The following FMN1 variants were observed in gnomAD, a reference collection of about 807,000 sequenced individuals.
The protein encoded by FMN1 is formin-1.
In FMN1, 110 loss-of-function variants were observed where a neutral mutation model predicts 132.4. That is an observed-to-expected ratio of 0.83 (90% CI 0.71 to 0.97). The LOEUF (loss-of-function observed/expected upper bound fraction) is 0.97. FMN1 is among the 50% of genes least tolerant of loss of function. The pLI, the probability that FMN1 is intolerant of heterozygous loss-of-function variation, is 0.00. For missense variants in FMN1, 1,792 were observed against 1,705.3 expected (o/e 1.05, Z -0.90); for synonymous variants, 722 against 651.7 (o/e 1.11, Z -1.64).
chr15:33,135,875 G>A (rs1005211117), intron 4 of FMN1, among the ~76,000 whole-genome samples: 1 of 152,134 alleles, frequency 6.6e-6, no homozygotes, highest in Non-Finnish European at 1.5e-5. Context: ...TATACAATTG[G>A]CTGATTATGT....
Position 32,953,067 on chromosome 15 carries a change from A to G in FMN1, c.3138+11040T>C, listed in dbSNP as rs557097676. On this transcript the variant is annotated intron_variant, in intron 9 of 20. Transcript: ENST00000616417. ...AAGGGGCTTGGCGGCTAAGAAATCC[A>G]GCTGGAAGCGAGCGAGCATGATTTG... 2.6e-5 allele frequency among the ~76,000 whole-genome samples: 4 copies of G among 152,294 alleles called. No homozygotes were observed. In the East Asian group the frequency reaches 7.7e-4, roughly 29 times the overall value.
At chr15:33,125,205 A>AACTT (rs1962938165) in intron 4 of FMN1, among the ~76,000 whole-genome samples, 1 of 151,642 alleles carries the variant, frequency 6.6e-6, no homozygotes, top group Non-Finnish European at 1.5e-5. Flanking sequence ...TCAGCTTAAG[A>AACTT]AGGTCACCTA....
intron 4 of FMN1, among the ~76,000 whole-genome samples, chr15:33,119,995 T>A (rs1962402836): frequency 6.6e-6 from 1 of 152,182 alleles, no homozygotes; most frequent in South Asian, 2.1e-4. Flanking sequence ...CATTCAGGAA[T>A]GCGATGGTAA....
intron 6 of FMN1, among the ~76,000 whole-genome samples, chr15:33,060,948 T>G (rs977697612): frequency 6.6e-6 from 1 of 152,192 alleles, no homozygotes; most frequent in African/African-American, 2.4e-5. Flanking sequence ...AATGTCTTAA[T>G]AATGAGAAAT....
At position 33,041,567 on chromosome 15, in the gene FMN1, T is replaced by C. The variant is rs370756457; in HGVS notation, c.2161+23390A>G. 3.9e-4 allele frequency among the ~76,000 whole-genome samples: 59 copies of C among 151,518 alleles called. 2 individuals are homozygous for C. In the South Asian group the frequency reaches 0.011, roughly 28 times the overall value. ...TTAAAAAATAGGCAAAGGACTTCAA[T>C]AGACCTTTCTTCCAAGAAGACATAC... On this transcript the variant is annotated intron_variant, in intron 6 of 20. Transcript: ENST00000616417.
At chr15:32,803,451 A>C (rs2057548890) in intron 18 of FMN1, among the ~76,000 whole-genome samples, 1 of 152,216 alleles carries the variant, frequency 6.6e-6, no homozygotes, top group African/African-American at 2.4e-5. Flanking sequence ...GGGTGGAGTG[A>C]ATGGTTCCCA....
At chr15:32,996,760 A>G (rs1447249762) in intron 7 of FMN1, among the ~76,000 whole-genome samples, 1 of 152,186 alleles carries the variant, frequency 6.6e-6, no homozygotes, top group Non-Finnish European at 1.5e-5. Flanking sequence ...AATTCACACT[A>G]TGAATTCCAA....
intron 4 of FMN1, among the ~76,000 whole-genome samples, chr15:33,102,333 G>A (rs1267910781): frequency 6.6e-6 from 1 of 152,132 alleles, no homozygotes; most frequent in Non-Finnish European, 1.5e-5. Flanking sequence ...GTGCTAGGGA[G>A]GGATGTAAAT....
At chr15:32,896,641 A>AT (rs202000093) in intron 15 of FMN1, among the ~76,000 whole-genome samples, 1,428 of 137,640 alleles carry the variant, frequency 0.01, 21 homozygotes, top group African/African-American at 0.034. Flanking sequence ...TTAGATACTT[A>AT]TTTAAGTGGA....
At chr15:33,030,653 T>C (rs1215774832) in intron 6 of FMN1, among the ~76,000 whole-genome samples, 1 of 152,168 alleles carries the variant, frequency 6.6e-6, no homozygotes, top group East Asian at 1.9e-4. Context: ...AGAACACCAC[T>C]GATTCTAAGA....
intron 15 of FMN1, among the ~76,000 whole-genome samples, chr15:32,889,481 C>G (rs1353333588): frequency 6.6e-6 from 1 of 152,172 alleles, no homozygotes; most frequent in Middle Eastern, 3.2e-3. Context: ...ACTTTATGAT[C>G]TGGCCTCTGT....
chr15:32,871,250 C>G (rs576883755), intron 16 of FMN1, among the ~76,000 whole-genome samples: 1 of 152,166 alleles, frequency 6.6e-6, no homozygotes, highest in Non-Finnish European at 1.5e-5. Flanking sequence ...GACACCATGA[C>G]CAAAACACAG....
In FMN1 at chr15:32,930,734, C is replaced by CT. The variant is rs2061093524; in HGVS notation, c.3139-4474dup. ...TTTGCTTTTTTTGGGGGGGGGCGGT[C>CT]TATGCTTTTCATGCTATATCCAGGA... On this transcript the variant is annotated intron_variant, in intron 9 of 20. Transcript: ENST00000616417. 5.3e-5 allele frequency among the ~76,000 whole-genome samples: 8 copies of CT among 151,520 alleles called. No homozygotes were observed. The South Asian group carries it at 1.7e-3, about 32-fold the overall frequency.
intron 4 of FMN1, among the ~76,000 whole-genome samples, chr15:33,097,834 C>G (rs1158704356): frequency 6.6e-6 from 1 of 152,174 alleles, no homozygotes; most frequent in Non-Finnish European, 1.5e-5. Context: ...ATATTCCTTT[C>G]TTAGTAATTA....
chr15:33,041,294 G>A (rs533116468), intron 6 of FMN1, among the ~76,000 whole-genome samples: 1 of 151,200 alleles, frequency 6.6e-6, no homozygotes, highest in South Asian at 2.1e-4. Flanking sequence ...ACACCTAACT[G>A]GAAAATATCA....
At chr15:32,897,339 G>T (rs2060184471) in intron 15 of FMN1, among the ~76,000 whole-genome samples, 1 of 152,080 alleles carries the variant, frequency 6.6e-6, no homozygotes, top group Non-Finnish European at 1.5e-5. Context: ...ATTCACAAAG[G>T]TCTGTACTTG....
intron 7 of FMN1, 53 bp from the exon 8 acceptor site, chr15:32,969,530 TAAGA>T: frequency 6.4e-7 from 1 of 1,568,664 alleles, no homozygotes; most frequent in Non-Finnish European, 8.6e-7. Flanking sequence ...AGAACAAACT[TAAGA>T]ATTTAGAAAC....
At chr15:32,798,665 G>T in intron 19 of FMN1, 139 bp downstream of exon 19, 1 of 722,054 alleles carries the variant, frequency 1.4e-6, no homozygotes, top group Non-Finnish European at 2.2e-6. Context: ...CGATCCCTGA[G>T]GCAAAAAGTC....
At chr15:32,865,574 C>A (rs926774430) in intron 16 of FMN1, among the ~76,000 whole-genome samples, 1 of 152,174 alleles carries the variant, frequency 6.6e-6, no homozygotes, top group Non-Finnish European at 1.5e-5. Flanking sequence ...AGGTGGCTCA[C>A]GCCTGTGATC....
Sources: gnomAD v4.1 joint callset for allele counts (sites outside exome capture counted in the v4.1 genomes callset) on GRCh38, gnomAD v4.1.1 for gene constraint, MANE v1.5 for transcripts, NCBI Gene and HGNC (gene_info 2026-07-23, HGNC 2026-07-21) for gene names.